DTNB: variants seen among roughly 807,000 people sequenced by gnomAD.
DTNB encodes the protein dystrobrevin beta.
In DTNB, 63 loss-of-function variants were observed where a neutral mutation model predicts 90.7. That is an observed-to-expected ratio of 0.69 (90% CI 0.57 to 0.86). The LOEUF is 0.86. DTNB is among the 40% of genes least tolerant of loss of function. The pLI is 0.00. For synonymous variants in DTNB, 277 were observed against 286.7 expected (o/e 0.97, Z 0.34); for missense variants, 744 against 807.1 (o/e 0.92, Z 0.95).
intron 9 of DTNB, among the ~76,000 whole-genome samples, chr2:25,525,319 C>T (rs1403654628): frequency 1.3e-5 from 2 of 152,132 alleles, no homozygotes; most frequent in Admixed American, 6.5e-5. Flanking sequence ...CAGGAGACCA[C>T]AGTTTTATCT....
At chr2:25,621,446 CTTT>C (rs35400547) in intron 4 of DTNB, among the ~76,000 whole-genome samples, 1 of 132,686 alleles carries the variant, frequency 7.5e-6, no homozygotes, top group Non-Finnish European at 1.6e-5. Context: ...GCTAAATCAA[CTTT>C]TTTTTTTTTT....
In DTNB at chr2:25,519,668, C is replaced by T. The variant is rs7609454; in HGVS notation, c.1001+11805G>A. On this transcript the variant is annotated intron_variant, in intron 9 of 20. Transcript: ENST00000406818. ...CAGTGAGCATTTCCTTGGACTGTCA[C>T]GTCGGCACTCAAAAAGTTTCGGATT... Among the ~76,000 whole-genome samples the T allele has an allele frequency of 6.1e-3, 925 of 152,244 alleles. 8 individuals are homozygous for T. The highest frequency in any genetic ancestry group is 0.021 in the African/African-American group (867 of 41,540).
chr2:25,490,693 T>C (rs2067205738), intron 9 of DTNB, among the ~76,000 whole-genome samples: 1 of 152,230 alleles, frequency 6.6e-6, no homozygotes, highest in Non-Finnish European at 1.5e-5. Context: ...ATAATGCTTA[T>C]GAAGACTTTT....
At chr2:25,517,861 A>T (rs1224366488) in intron 9 of DTNB, among the ~76,000 whole-genome samples, 3 of 152,234 alleles carry the variant, frequency 2.0e-5, no homozygotes, top group Non-Finnish European at 4.4e-5. Context: ...TACAATGAAT[A>T]TCATTCAGCC....
chr2:25,436,948 A>G (rs1001517720), intron 12 of DTNB, among the ~76,000 whole-genome samples: 4 of 152,236 alleles, frequency 2.6e-5, no homozygotes, highest in Admixed American at 2.0e-4. Flanking sequence ...TATCTAGAGA[A>G]GCTTTCTGGT....
chr2:25,470,634 C>T (rs573250193), intron 10 of DTNB, among the ~76,000 whole-genome samples: 1 of 152,212 alleles, frequency 6.6e-6, no homozygotes, highest in East Asian at 1.9e-4. Context: ...GCCTTGGCCT[C>T]CCAAAGTGCC....
At chr2:25,604,070 G>A (rs530225835) in intron 5 of DTNB, among the ~76,000 whole-genome samples, 8 of 152,166 alleles carry the variant, frequency 5.3e-5, no homozygotes, top group East Asian at 1.9e-4. Flanking sequence ...TTCTCTGTCC[G>A]TAGCATATTA....
At chr2:25,453,963 C>G (rs892863420) in intron 11 of DTNB, among the ~76,000 whole-genome samples, 5 of 152,118 alleles carry the variant, frequency 3.3e-5, no homozygotes, top group African/African-American at 1.2e-4. Context: ...CTGGCTAACA[C>G]AGTGAGACCC....
rs1051093656 is a variant in DTNB, at chr2:25,451,439, T to C, written c.1257+109A>G. ...TTAGCATGTGGAAAAGTGGAAAGTG[T>C]CCCCGAGGTACCTGTTCTCCTAAAT... On this transcript the variant is annotated intron_variant, in intron 12 of 20. Transcript: ENST00000406818. The C allele has an allele frequency of 2.6e-6, 3 of 1,170,566 alleles. No homozygotes were observed. In the African/African-American group the frequency reaches 4.6e-5, roughly 18 times the overall value. The allele number at this position is 1,170,566 out of a possible 1,614,324, so 72.5% of individuals were successfully genotyped here. A position where few individuals can be genotyped will look rare whatever the true frequency, so the allele number is the denominator to read the frequency against.
At chr2:25,550,572 A>G (rs1279961295) in intron 8 of DTNB, among the ~76,000 whole-genome samples, 1 of 152,174 alleles carries the variant, frequency 6.6e-6, no homozygotes, top group Non-Finnish European at 1.5e-5. Context: ...ATTCTATTTA[A>G]TATTTGAGGG....
intron 1 of DTNB, chr2:25,653,128 T>C (rs904572514): frequency 2.0e-5 from 3 of 152,664 alleles, no homozygotes; most frequent in Admixed American, 6.5e-5. Context: ...AGAAATCAGG[T>C]ATTAATCCCT....
intron 5 of DTNB, among the ~76,000 whole-genome samples, chr2:25,597,279 C>T (rs909460974): frequency 7.3e-5 from 11 of 151,416 alleles, no homozygotes; most frequent in African/African-American, 2.2e-4. Flanking sequence ...TACAGTGAGC[C>T]GTGATGCCAT....
chr2:25,576,221 G>GTTTTTTT (rs57969480), intron 8 of DTNB, among the ~76,000 whole-genome samples: 17 of 97,542 alleles, frequency 1.7e-4, no homozygotes, highest in East Asian at 6.5e-4. Context: ...GAACAGTTTT[G>GTTTTTTT]TTTTTTTTTT....
chr2:25,382,582 G>A (rs1221786227), intron 19 of DTNB, among the ~76,000 whole-genome samples: 2 of 128,510 alleles, frequency 1.6e-5, no homozygotes, highest in Admixed American at 1.9e-4. Context: ...AGGCTGGAGT[G>A]CAGTTGCGTG....
intron 8 of DTNB, among the ~76,000 whole-genome samples, chr2:25,553,716 GACA>G (rs1270665054): frequency 7.9e-6 from 1 of 126,768 alleles, no homozygotes; most frequent in South Asian, 2.6e-4. Flanking sequence ...CTCCAGCCTG[GACA>G]ACAAGAGCGA....
At chr2:25,463,403 A>T (rs1184625403) in intron 10 of DTNB, among the ~76,000 whole-genome samples, 1 of 152,122 alleles carries the variant, frequency 6.6e-6, no homozygotes, top group Non-Finnish European at 1.5e-5. Context: ...TCTCGCTTAC[A>T]CTGCCCCAAT....
intron 19 of DTNB, among the ~76,000 whole-genome samples, chr2:25,382,993 G>C (rs1486250489): frequency 6.6e-6 from 1 of 152,170 alleles, no homozygotes; most frequent in Non-Finnish European, 1.5e-5. Flanking sequence ...CATGTGTTAA[G>C]CAGGTTCGAT....
intron 10 of DTNB, among the ~76,000 whole-genome samples, chr2:25,473,003 CAG>C (rs2150316547): frequency 6.6e-6 from 1 of 152,312 alleles, no homozygotes; most frequent in South Asian, 2.1e-4. Flanking sequence ...TCCACGCTAC[CAG>C]ACAGTGCTGC....
chr2:25,531,436 C>A, intron 9 of DTNB, 37 bp downstream of exon 9: 1 of 1,589,328 alleles, frequency 6.3e-7, no homozygotes, highest in Non-Finnish European at 8.6e-7. Flanking sequence ...GCCCCCATTT[C>A]AGTGTGATCC....
Sources: gnomAD v4.1 joint callset for allele counts (sites outside exome capture counted in the v4.1 genomes callset) on GRCh38, gnomAD v4.1.1 for gene constraint, MANE v1.5 for transcripts, NCBI Gene and HGNC (gene_info 2026-07-23, HGNC 2026-07-21) for gene names.